The following PPP1R9B variants were observed in gnomAD, a reference collection of about 807,000 sequenced individuals.
The protein encoded by PPP1R9B is neurabin-2.
A neutral mutation model predicts 75.8 loss-of-function variants in PPP1R9B; 17 were observed. The observed-to-expected ratio is 0.22, with a 90% CI of 0.15 to 0.34. The LOEUF (loss-of-function observed/expected upper bound fraction) is 0.34. Among genes scored for constraint, PPP1R9B ranks in the 10% least tolerant of loss-of-function variants. PPP1R9B has a pLI of 1.00. For synonymous variants in PPP1R9B, 509 were observed against 535.4 expected (o/e 0.95, Z 0.68); for missense variants, 875 against 1,196.0 (o/e 0.73, Z 3.96).
chr17:50,136,257 C>T, intron 7 of PPP1R9B, 60 bp from the exon 8 acceptor site: 4 of 1,452,490 alleles, frequency 2.8e-6, no homozygotes, highest in South Asian at 1.2e-5. Flanking sequence ...AAGGGTACCC[C>T]CATCCTAGCA....
At position 50,149,258 on chromosome 17, in the gene PPP1R9B, T is replaced by G. The variant is rs2144459743; in HGVS notation, c.1256A>C (p.Glu419Ala). The change falls in exon 1 of 10, where the codon GAG becomes GCG. Residue 419 changes from glutamate (E) to alanine (A), a missense_variant. By Grantham distance (107) the Glu-to-Ala change is moderately radical (BLOSUM62 -1). Coordinates refer to ENST00000612501, the MANE Select transcript of PPP1R9B (RefSeq NM_032595.5). This position sits in a 1 kb window ranked among gnomAD's most constrained non-coding sequence, Gnocchi z 7.2. ...ALEEDDEDDEEDGEPPYEPES... is the reference protein window; with the variant it reads ...ALEEDDEDDEADGEPPYEPES... ...GGGCTCGTAGGGGGGCTCCCCATCC[T>G]CCTCGTCGTCTTCGTCGTCCTCCTC... The G allele has an allele frequency of 6.2e-7, 1 of 1,612,066 alleles. No individual in the cohort carries two copies. Among genetic ancestry groups the G allele is most frequent in the East Asian group, 2.2e-5 (1 of 44,718 alleles).
At chr17:50,141,457 G>T in intron 3 of PPP1R9B, 84 bp from the exon 4 acceptor site, 1 of 850,216 alleles carries the variant, frequency 1.2e-6, no homozygotes, top group Non-Finnish European at 1.8e-6. Flanking sequence ...GAAACTCCAG[G>T]CTCCCCAGCC....
At position 50,135,612 on chromosome 17, in the gene PPP1R9B, G is replaced by T. The variant is rs923005550; in HGVS notation, c.2341C>A (p.Arg781=). Residue 781 remains arginine, a synonymous_variant, in exon 9 of 10, where the codon CGG becomes AGG. Transcript: ENST00000612501. The part of the protein sequence containing the change: ...EFLKKETAQR[R]VLEESELARK... The stretch of plus-strand genomic sequence containing the variant: ...GCCAGCTCCGACTCCTCCAGAACCC[G>T]ACGCTGTGCAGTCTCCTTTTTCAGG... 1 of 1,610,886 alleles carries T rather than the reference G, an allele frequency of 6.2e-7. No homozygotes were observed. The highest frequency in any genetic ancestry group is 8.5e-7 in the Non-Finnish European group (1 of 1,178,528).
At chr17:50,141,238 G>T (rs1003632629) in intron 4 of PPP1R9B, 31 bp downstream of exon 4, 5 of 1,463,602 alleles carry the variant, frequency 3.4e-6, no homozygotes, top group Admixed American at 3.9e-5. Flanking sequence ...CCTCCTGCCC[G>T]CTCCCACGCC....
intron 7 of PPP1R9B, among the ~76,000 whole-genome samples, chr17:50,137,991 C>T (rs1912271470): frequency 6.6e-6 from 1 of 152,194 alleles, no homozygotes; most frequent in Non-Finnish European, 1.5e-5. Flanking sequence ...CCCTATAGAT[C>T]TGTCTCTCCC....
chr17:50,143,503 AGGCCCGCCCCACCCCCTGCTCAGT>A (rs1912439231), intron 3 of PPP1R9B, 71 bp downstream of exon 3: 3 of 1,469,430 alleles, frequency 2.0e-6, no homozygotes, highest in South Asian at 1.3e-5. Context: ...CTCCCAGGGA[AGGCCCGCCCCACCCCCTGCTCAGT>A]GGCCCACCCC....
intron 5 of PPP1R9B, 91 bp downstream of exon 5, chr17:50,140,002 G>GTA: frequency 7.1e-7 from 1 of 1,416,286 alleles, no homozygotes; most frequent in South Asian, 1.3e-5. Flanking sequence ...CTTTTTACTA[G>GTA]GGCAGGGGAA....
intron 3 of PPP1R9B, 48 bp downstream of exon 3, chr17:50,143,550 C>G (rs757836199): frequency 1.2e-6 from 2 of 1,608,034 alleles, no homozygotes; most frequent in East Asian, 2.2e-5. Flanking sequence ...CAAGGATGGC[C>G]GGTCGGAGAG....
Position 50,149,713 on chromosome 17 carries a change from G to T in PPP1R9B, c.801C>A (p.Ala267=), listed in dbSNP as rs1281651964. The T allele has an allele frequency of 2.1e-6, 3 of 1,412,548 alleles. No homozygotes were observed. Among genetic ancestry groups the T allele is most frequent in the Non-Finnish European group, 2.7e-6 (3 of 1,092,062 alleles). The allele number at this position is 1,412,548 out of a possible 1,614,324, so 87.5% of individuals were successfully genotyped here. A position where few individuals can be genotyped will look rare whatever the true frequency, so the allele number is the denominator to read the frequency against. The stretch of plus-strand genomic sequence containing the variant: ...GCCCTGCGGGGCATCGCTCTTTCTC[G>T]GCCGGGGCATCCCCCGACGGGGCGG... ...PPPAPSGDAP[A]EKERCPAGQQ... Residue 267 remains alanine (A), a synonymous_variant, in exon 1 of 10, where the codon GCC becomes GCA. Coordinates refer to ENST00000612501, the MANE Select transcript of PPP1R9B (RefSeq NM_032595.5). The surrounding 1 kb of genome is among the most constrained non-coding windows in gnomAD (Gnocchi z 7.2).
At position 50,149,987 on chromosome 17, in the gene PPP1R9B, G is replaced by C; in HGVS notation, c.527C>G (p.Ala176Gly). 6.6e-7 allele frequency: 1 copy of C among 1,505,176 alleles called. No homozygotes were observed. The highest frequency in any genetic ancestry group is 1.4e-5 in the African/African-American group (1 of 69,014). 93.2% of individuals were successfully genotyped at this position (1,505,176 alleles called of 1,614,324 possible). The change falls in exon 1 of 10, where the codon GCC (alanine) becomes GGC (glycine). Residue 176 changes from alanine (A) to glycine (G), a missense_variant. Ala to Gly is a moderately conservative substitution (Grantham distance 60). This residue lies in a region of PPP1R9B where 449 missense variants were observed against 475.0 expected (regional missense o/e 0.95). Coordinates refer to ENST00000612501, the MANE Select transcript of PPP1R9B (RefSeq NM_032595.5). The surrounding 1 kb of genome is among the most constrained non-coding windows in gnomAD (Gnocchi z 7.2). ...AARRLLRQERAGLQDRKLDVV... is the reference protein window; with the variant it reads ...AARRLLRQERGGLQDRKLDVV... ...GTCCAGCTTCCGGTCCTGCAGGCCG[G>C]CGCGCTCCTGCCTCAGCAGCCGCCG...
rs1317814243 is a variant in PPP1R9B at position 50,140,269 on chromosome 17, C to T, written c.1731-41G>A. 3.2e-6 allele frequency: 5 copies of T among 1,560,540 alleles called. No homozygotes were observed. In the Admixed American group the frequency reaches 7.6e-5, roughly 24 times the overall value. On this transcript the variant is annotated intron_variant, in intron 4 of 9. Transcript: ENST00000612501. ...CATCATCCGCTGCCTCTGTCCTCAGCCAGGTAATGCATCATCCTCCCTGCT... is the reference window on the plus strand; with the variant it reads ...CATCATCCGCTGCCTCTGTCCTCAGTCAGGTAATGCATCATCCTCCCTGCT...
chr17:50,144,342 T>C (rs1220790451), intron 2 of PPP1R9B, among the ~76,000 whole-genome samples: 2 of 152,122 alleles, frequency 1.3e-5, no homozygotes, highest in African/African-American at 4.8e-5. Flanking sequence ...TGCTATGGAT[T>C]CTACCCCTGG....
chr17:50,145,417 C>T (rs1251050129), intron 1 of PPP1R9B, among the ~76,000 whole-genome samples, 172 bp from the exon 2 acceptor site: 1 of 152,160 alleles, frequency 6.6e-6, no homozygotes, highest in Non-Finnish European at 1.5e-5. Context: ...AACAAAGGCC[C>T]TTATAGTTCT....
intron 1 of PPP1R9B, 145 bp downstream of exon 1, chr17:50,148,998 C>G (rs1912596214): frequency 8.8e-6 from 5 of 570,704 alleles, no homozygotes; most frequent in Non-Finnish European, 1.4e-5. Flanking sequence ...CCCCACGCCC[C>G]CCTGAGGGTG....
At chr17:50,147,045 C>T (rs1283187085) in intron 1 of PPP1R9B, among the ~76,000 whole-genome samples, 1 of 152,218 alleles carries the variant, frequency 6.6e-6, no homozygotes, top group Admixed American at 6.5e-5. Flanking sequence ...CACACATGGA[C>T]ACACACGCCC....
At chr17:50,145,335 CA>C in intron 1 of PPP1R9B, 90 bp from the exon 2 acceptor site, 1 of 1,514,312 alleles carries the variant, frequency 6.6e-7, no homozygotes, top group Non-Finnish European at 9.0e-7. Context: ...CTGAGTTACC[CA>C]CCCCATGCCT....
chr17:50,141,171 G>GTGTAGATCTCGGTGGTC, intron 4 of PPP1R9B, 98 bp downstream of exon 4: 1 of 781,926 alleles, frequency 1.3e-6, no homozygotes, highest in Non-Finnish European at 2.1e-6. Context: ...CTGTGAGCTG[G>GTGTAGATCTCGGTGGTC]GCCACCAGAA....
chr17:50,149,577 A>C lies in PPP1R9B; in HGVS notation c.937T>G (p.Ser313Ala). Reference protein sequence around the residue: ...VEESGESEAESAPGEVIQAEV... With the variant: ...VEESGESEAEAAPGEVIQAEV... ...GCCTGGATCACCTCCCCGGGCGCCG[A>C]CTCGGCCTCCGACTCCCCGCTCTCC... is the stretch of plus-strand genomic sequence containing the variant. Residue 313 changes from serine (S) to alanine (A), a missense_variant, in exon 1 of 10, where the codon TCG (serine) becomes GCG (alanine). Transcript: ENST00000612501. The surrounding 1 kb of genome is among the most constrained non-coding windows in gnomAD (Gnocchi z 7.2). 1 of 1,575,348 alleles carries C rather than the reference A, an allele frequency of 6.3e-7. No individual in the cohort carries two copies. Among genetic ancestry groups the C allele is most frequent in the East Asian group, 2.4e-5 (1 of 42,338 alleles).
In PPP1R9B at chr17:50,134,534, C is replaced by A. The variant is rs142844601; in HGVS notation, c.*797G>T. Reference sequence around the variant, plus strand: ...CCAGGAAACCTGGACCCCAGAGAGGCCACATAACAGTTCCAAGACGAGGTT... The same window carrying A: ...CCAGGAAACCTGGACCCCAGAGAGGACACATAACAGTTCCAAGACGAGGTT... On this transcript the variant is annotated 3_prime_UTR_variant, in exon 10 of 10. Transcript: ENST00000612501. 3 of 152,820 alleles carry A rather than the reference C, an allele frequency of 2.0e-5. No homozygotes were observed. The East Asian group carries it at 5.8e-4, about 30-fold the overall frequency. 9.5% of individuals were successfully genotyped at this position (152,820 alleles called of 1,614,324 possible). A position where few individuals can be genotyped will look rare whatever the true frequency, so the allele number is the denominator to read the frequency against.
Sources: allele counts gnomAD v4.1 joint callset (sites outside exome capture counted in the v4.1 genomes callset), GRCh38; gene constraint gnomAD v4.1.1; regional missense constraint gnomAD v4.1.1; non-coding constraint Gnocchi (gnomAD v3.1); transcripts MANE v1.5; gene names NCBI Gene and HGNC (gene_info 2026-07-23, HGNC 2026-07-21).